The following VWC2 variants were observed in gnomAD, a reference collection of about 807,000 sequenced individuals.
VWC2 encodes the protein von Willebrand factor C domain containing 2.
A neutral mutation model predicts 29.8 loss-of-function variants in VWC2; 14 were observed. The observed-to-expected ratio is 0.47, with a 90% confidence interval of 0.31 to 0.74. VWC2 has a LOEUF of 0.74. Among genes scored for constraint, VWC2 ranks in the 30% least tolerant of loss-of-function variants. VWC2 has a pLI of 0.05. For missense variants in VWC2, 457 were observed against 459.8 expected (o/e 0.99, Z 0.05); for synonymous variants, 213 against 199.0 (o/e 1.07, Z -0.59).
rs1314407720 is a variant in VWC2, at chr7:49,860,958, GAAA to G, written c.827-51074_827-51072del. ...GGACTTTCTGCCTTTAGAACCATGA[GAAA>G]ATACATTTCTATTATTTAAGCAAAC... On this transcript the variant is annotated intron_variant, in intron 3 of 3. Coordinates refer to ENST00000340652, the MANE Select transcript of VWC2 (RefSeq NM_198570.5). Among the ~76,000 whole-genome samples, 5 of 152,152 alleles carry G rather than the reference GAAA, an allele frequency of 3.3e-5. No homozygotes were observed. The East Asian group carries it at 9.6e-4, about 29-fold the overall frequency.
intron 2 of VWC2, among the ~76,000 whole-genome samples, chr7:49,795,534 T>C (rs1788569220): frequency 6.6e-6 from 1 of 152,234 alleles, no homozygotes; most frequent in Non-Finnish European, 1.5e-5. Flanking sequence ...ATTCCCTTTG[T>C]GGATTACATG....
At chr7:49,776,193 G>A (rs1234060667) in intron 2 of VWC2, 62 bp downstream of exon 2, 6 of 1,375,792 alleles carry the variant, frequency 4.4e-6, no homozygotes, top group Non-Finnish European at 5.8e-6. Flanking sequence ...AACAGCTTTG[G>A]TTCTGTGGTC....
intron 3 of VWC2, among the ~76,000 whole-genome samples, chr7:49,886,452 TTTTC>T (rs953033754): frequency 6.6e-6 from 1 of 152,152 alleles, no homozygotes; most frequent in Admixed American, 6.5e-5. Flanking sequence ...TCAAATGGAT[TTTTC>T]TTTAACTATT....
intron 3 of VWC2, among the ~76,000 whole-genome samples, chr7:49,891,055 T>C (rs1198085671): frequency 6.6e-6 from 1 of 152,194 alleles, no homozygotes; most frequent in African/African-American, 2.4e-5. Flanking sequence ...AAAAATCAAT[T>C]AAATATATTT....
chr7:49,854,574 T>C (rs1431119090), intron 3 of VWC2, among the ~76,000 whole-genome samples: 1 of 152,248 alleles, frequency 6.6e-6, no homozygotes, highest in Non-Finnish European at 1.5e-5. Flanking sequence ...GTTTTTGTCT[T>C]GTAAATTTGT....
At chr7:49,774,524 T>C (rs1788009264) in intron 1 of VWC2, among the ~76,000 whole-genome samples, 1 of 152,206 alleles carries the variant, frequency 6.6e-6, no homozygotes, top group South Asian at 2.1e-4. Context: ...GCGCCCACTC[T>C]GCGCCCTGGG....
Position 49,802,722 on chromosome 7 carries a change from C to A in VWC2, c.708C>A (p.Cys236Ter), listed in dbSNP as rs201624892. The A allele has an allele frequency of 6.2e-7, 1 of 1,614,142 alleles. No homozygotes were observed. Among genetic ancestry groups the A allele is most frequent in the Non-Finnish European group, 8.5e-7 (1 of 1,180,024 alleles). ...GGCTTGTGTTTCAGGTGTCTCCATG[C>A]GAGAGGTGTCGCTGTGAAGCCAACG... ...QTLEEFVVSP[C>*]ERCRCEANGE... Residue 236 changes from cysteine (C) to a stop codon, truncating the protein, a stop_gained, in exon 3 of 4, where the codon TGC becomes TGA. Transcript: ENST00000340652. LOFTEE classifies it high-confidence loss of function.
intron 3 of VWC2, among the ~76,000 whole-genome samples, chr7:49,906,055 T>C (rs958652518): frequency 2.0e-5 from 3 of 152,210 alleles, no homozygotes; most frequent in Non-Finnish European, 4.4e-5. Context: ...TAGCATATAA[T>C]CAAGAAATAA....
At chr7:49,871,384 T>A (rs1455853164) in intron 3 of VWC2, among the ~76,000 whole-genome samples, 1 of 152,120 alleles carries the variant, frequency 6.6e-6, no homozygotes, top group Non-Finnish European at 1.5e-5. Flanking sequence ...TTGCTTTTAA[T>A]AAGAAAATAT....
chr7:49,801,110 G>A lies in VWC2; in HGVS notation c.697-1601G>A, dbSNP rs571714588. 1.1e-4 allele frequency among the ~76,000 whole-genome samples: 16 copies of A among 152,276 alleles called. 1 individual carries two copies. The East Asian group carries it at 3.1e-3, about 29-fold the overall frequency. ...TGACTGTGGTCTAGTGCCTCAGAAAGAGACATGGTTAAACTCCAGTTGAGC... is the reference window on the plus strand; with the variant it reads ...TGACTGTGGTCTAGTGCCTCAGAAAAAGACATGGTTAAACTCCAGTTGAGC... On this transcript the variant is annotated intron_variant, in intron 2 of 3. Transcript: ENST00000340652.
intron 3 of VWC2, among the ~76,000 whole-genome samples, chr7:49,827,324 T>C (rs1414532493): frequency 6.6e-6 from 1 of 152,130 alleles, no homozygotes; most frequent in Non-Finnish European, 1.5e-5. Flanking sequence ...GCATTTTGAC[T>C]TTAAGTGTTA....
chr7:49,896,172 C>G (rs1426353683), intron 3 of VWC2, among the ~76,000 whole-genome samples: 1 of 152,142 alleles, frequency 6.6e-6, no homozygotes, highest in African/African-American at 2.4e-5. Context: ...AAAACCCTGT[C>G]TCTGCTAAAA....
intron 3 of VWC2, among the ~76,000 whole-genome samples, chr7:49,813,457 T>C (rs1789059505): frequency 6.6e-6 from 1 of 152,228 alleles, no homozygotes; most frequent in Non-Finnish European, 1.5e-5. Context: ...GCTGCTGGTC[T>C]TCTGTTGCTG....
chr7:49,877,322 C>T (rs1023320778), intron 3 of VWC2, among the ~76,000 whole-genome samples: 10 of 149,636 alleles, frequency 6.7e-5, no homozygotes, highest in African/African-American at 2.2e-4. Flanking sequence ...ATTAGCTGGG[C>T]GTGGTGGCAG....
chr7:49,832,372 G>T (rs2128711634), intron 3 of VWC2, among the ~76,000 whole-genome samples: 1 of 152,080 alleles, frequency 6.6e-6, no homozygotes, highest in South Asian at 2.1e-4. Flanking sequence ...CTGAGAAATA[G>T]AACCTCATTC....
intron 3 of VWC2, among the ~76,000 whole-genome samples, chr7:49,844,209 A>G (rs962932070): frequency 6.6e-6 from 1 of 152,244 alleles, no homozygotes; most frequent in African/African-American, 2.4e-5. Flanking sequence ...CATGCATGCT[A>G]GTAGAGAATA....
In VWC2 at chr7:49,915,844, G is replaced by A. The variant is rs540953847; in HGVS notation, c.*3659G>A. On this transcript the variant is annotated 3_prime_UTR_variant, in exon 4 of 4. Coordinates refer to ENST00000340652, the MANE Select transcript of VWC2 (RefSeq NM_198570.5). ...TGAAGAGTATCAGATGTACAAATAA[G>A]CATCATTGGTAAAAACATACATGCT... 9 of 152,152 alleles carry A rather than the reference G, an allele frequency of 5.9e-5. No individual in the cohort carries two copies. The East Asian group carries it at 1.7e-3, about 29-fold the overall frequency. The allele number at this position is 152,152 out of a possible 1,614,324, so 9.4% of individuals were successfully genotyped here. A position where few individuals can be genotyped will look rare whatever the true frequency, so the allele number is the denominator to read the frequency against.
At chr7:49,779,044 A>G (rs906279685) in intron 2 of VWC2, among the ~76,000 whole-genome samples, 19 of 136,790 alleles carry the variant, frequency 1.4e-4, no homozygotes, top group African/African-American at 5.3e-4. Context: ...AGAGGGAGAG[A>G]GAGAGAGAGA....
rs530017241 is a variant in VWC2, at chr7:49,801,417, A to C, written c.697-1294A>C. ...TTGCTTCTGATGGCTGGGTCTGCAT[A>C]TGCTCTTCCTGCTTTGTCCTGGGTC... On this transcript the variant is annotated intron_variant, in intron 2 of 3. Coordinates refer to ENST00000340652, the MANE Select transcript of VWC2 (RefSeq NM_198570.5). Among the ~76,000 whole-genome samples the C allele has an allele frequency of 4.5e-4, 69 of 152,240 alleles. 1 individual carries two copies. The highest frequency in any genetic ancestry group is 3.4e-4 in the Non-Finnish European group (23 of 68,014).
Sources: allele counts gnomAD v4.1 joint callset (sites outside exome capture counted in the v4.1 genomes callset), GRCh38; gene constraint gnomAD v4.1.1; transcripts MANE v1.5; gene names NCBI Gene and HGNC (gene_info 2026-07-23, HGNC 2026-07-21).